ZNF14: variants seen among roughly 807,000 people sequenced by gnomAD.
ZNF14 encodes zinc finger protein 14, also known as gonadotropin inducible transcription repressor-4.
A neutral mutation model predicts 11.3 loss-of-function variants in ZNF14; 9 were observed. The observed-to-expected ratio is 0.80, with a 90% CI of 0.48 to 1.39. ZNF14 has a LOEUF of 1.39. ZNF14 is among the 40% of genes most tolerant of loss of function. ZNF14 has a pLI of 0.00. For synonymous variants in ZNF14, 239 were observed against 245.7 expected, an observed-to-expected ratio of 0.97 and a Z score of 0.25; for missense variants, 711 against 763.9, an observed-to-expected ratio of 0.93 and a Z score of 0.82.
chr19:19,731,455 A>G (rs2062423041), intron 1 of ZNF14, among the ~76,000 whole-genome samples: 1 of 152,116 alleles, frequency 6.6e-6, no homozygotes, highest in Non-Finnish European at 1.5e-5. Context: ...GGGTGCCTGT[A>G]ATCCCAGCTA....
chr19:19,726,928 G>A lies in ZNF14; in HGVS notation c.3+6028C>T, dbSNP rs2062408116. On this transcript the variant is annotated intron_variant, in intron 1 of 3. Coordinates refer to ENST00000344099, the MANE Select transcript of ZNF14 (RefSeq NM_021030.3). Reference sequence around the variant, plus strand: ...TCCTGGTGTGTCATTTGCTAAGACTGTTGGAAAAGTGCAGTATTAGGGTGG... The same window carrying A: ...TCCTGGTGTGTCATTTGCTAAGACTATTGGAAAAGTGCAGTATTAGGGTGG... 1.5e-5 allele frequency among the ~76,000 whole-genome samples: 2 copies of A among 134,084 alleles called. 1 individual carries two copies. Among genetic ancestry groups the A allele is most frequent in the Non-Finnish European group, 3.3e-5 (2 of 60,248 alleles). 88.0% of individuals were successfully genotyped at this position (134,084 alleles called of 152,430 possible).
intron 1 of ZNF14, among the ~76,000 whole-genome samples, chr19:19,728,621 G>A (rs2145105866): frequency 7.7e-6 from 1 of 130,346 alleles, no homozygotes; most frequent in African/African-American, 2.8e-5. Context: ...GTGAATTCTG[G>A]TACCAATCTG....
Position 19,712,327 on chromosome 19 carries a change from A to G in ZNF14, c.954T>C (p.Tyr318=). The change falls in exon 4 of 4, where the codon TAT becomes TAC. Residue 318 remains tyrosine, a synonymous_variant. Transcript: ENST00000344099. ...TTACATGTGCTCGAAAGCTTGCAGAATAAAAGAAGGCTTTTCCACATTCTT... is the reference window on the plus strand; with the variant it reads ...TTACATGTGCTCGAAAGCTTGCAGAGTAAAAGAAGGCTTTTCCACATTCTT... ...ECKECGKAFF[Y]SASFRAHVII... 3.7e-6 allele frequency: 6 copies of G among 1,614,036 alleles called. No individual in the cohort carries two copies. The highest frequency in any genetic ancestry group is 5.1e-6 in the Non-Finnish European group (6 of 1,179,992).
At chr19:19,722,800 C>T (rs903054972) in intron 1 of ZNF14, among the ~76,000 whole-genome samples, 1 of 152,178 alleles carries the variant, frequency 6.6e-6, no homozygotes, top group African/African-American at 2.4e-5. Context: ...AGAGGTCCTT[C>T]ACATCCCTTG....
intron 1 of ZNF14, among the ~76,000 whole-genome samples, chr19:19,729,743 G>A (rs1230406925): frequency 6.6e-6 from 1 of 152,046 alleles, no homozygotes; most frequent in Non-Finnish European, 1.5e-5. Context: ...AAAAAAAAAT[G>A]TACAGAATCA....
chr19:19,711,432 A>C lies in ZNF14; in HGVS notation c.1849T>G (p.Cys617Gly), dbSNP rs1374455310. 6.2e-7 allele frequency: 1 copy of C among 1,607,140 alleles called. No individual in the cohort carries two copies. The highest frequency in any genetic ancestry group is 1.7e-5 in the Admixed American group (1 of 58,064). Residue 617 changes from cysteine to glycine, a missense_variant, in exon 4 of 4, where the codon TGC (cysteine) becomes GGC (glycine). By Grantham distance (159) the Cys-to-Gly change is radical (BLOSUM62 -3). Transcript: ENST00000344099. ...ATGAAGGCTTTTCCACATTGTTTGC[A>C]TTCATAAGGTTTCTCTCCAGTGTGA... Reference protein sequence around the residue: ...RSHTGEKPYECKQCGKAFISS... With the variant: ...RSHTGEKPYEGKQCGKAFISS...
chr19:19,711,706 G>A lies in ZNF14; in HGVS notation c.1575C>T (p.His525=). The A allele has an allele frequency of 1.2e-6, 2 of 1,614,090 alleles. No homozygotes were observed. Among genetic ancestry groups the A allele is most frequent in the Non-Finnish European group, 1.7e-6 (2 of 1,180,018 alleles). ...SSSLREHEKI[H]TGNKPFECKQ... is the part of the protein sequence containing the mutation. ...TACACTCAAAAGGCTTATTTCCAGT[G>A]TGAATTTTTTCATGTTCTCGAAGGG... The change falls in exon 4 of 4, where the codon CAC becomes CAT. Residue 525 remains histidine (H), a synonymous_variant. Transcript: ENST00000344099.
chr19:19,722,941 C>A (rs2062396952), intron 1 of ZNF14, among the ~76,000 whole-genome samples: 1 of 152,156 alleles, frequency 6.6e-6, no homozygotes, highest in South Asian at 2.1e-4. Flanking sequence ...GATTTTGTAT[C>A]CTGAGACTTT....
chr19:19,712,762 C>T lies in ZNF14; in HGVS notation c.519G>A (p.Gln173=). The T allele has an allele frequency of 6.2e-7, 1 of 1,613,240 alleles. No homozygotes were observed. ...HTGVKPYECK[Q]CGKAFIYYQP... ...GGTAATATATAAAGGCTTTCCCACA[C>T]TGTTTACATTCATAGGGCTTCACTC... The change falls in exon 4 of 4, where the codon CAG becomes CAA. Residue 173 remains glutamine, a synonymous_variant. Coordinates refer to ENST00000344099, the MANE Select transcript of ZNF14 (RefSeq NM_021030.3).
At position 19,717,293 on chromosome 19, in the gene ZNF14, A is replaced by G. The variant is rs181898879; in HGVS notation, c.4-2806T>C. On this transcript the variant is annotated intron_variant, in intron 1 of 3. Transcript: ENST00000344099. ...CACCGGTTTAATTACAAAACATACA[A>G]CTCAGGAACAGCCAAGTGGAAGAGG... 1.9e-3 allele frequency among the ~76,000 whole-genome samples: 291 copies of G among 152,192 alleles called. 1 individual carries two copies. The highest frequency in any genetic ancestry group is 6.7e-3 in the African/African-American group (278 of 41,510).
At chr19:19,732,464 G>A (rs1235832136) in intron 1 of ZNF14, among the ~76,000 whole-genome samples, 1 of 152,322 alleles carries the variant, frequency 6.6e-6, no homozygotes, top group African/African-American at 2.4e-5. Context: ...CTTGAGTGCT[G>A]GGAGCACTAG....
rs1427082904 is a variant in ZNF14 at position 19,712,948 on chromosome 19, G to A, written c.333C>T (p.Asp111=). The change falls in exon 4 of 4, where the codon GAC becomes GAT. Residue 111 remains aspartate, a synonymous_variant. Coordinates refer to ENST00000344099, the MANE Select transcript of ZNF14 (RefSeq NM_021030.3). ...KPHECSFCGR[D]FIHHSSLNRH... is the part of the protein sequence containing the mutation. ...TATTAAGGGACGAATGATGAATGAAGTCTCTTCCACAAAAGCTGCATTCAT... is the reference window on the plus strand; with the variant it reads ...TATTAAGGGACGAATGATGAATGAAATCTCTTCCACAAAAGCTGCATTCAT... The A allele has an allele frequency of 2.5e-6, 4 of 1,614,136 alleles. No individual in the cohort carries two copies. In the South Asian group the frequency reaches 3.3e-5, roughly 13 times the overall value.
intron 1 of ZNF14, among the ~76,000 whole-genome samples, chr19:19,721,964 A>G (rs911945158): frequency 3.4e-5 from 2 of 59,168 alleles, no homozygotes; most frequent in African/African-American, 1.3e-4. Flanking sequence ...CTCAGTCTCA[A>G]AAAAAAAAAA....
At position 19,710,792 on chromosome 19, in the gene ZNF14, G is replaced by C. The variant is rs950737253; in HGVS notation, c.*560C>G. On this transcript the variant is annotated 3_prime_UTR_variant, in exon 4 of 4. Transcript: ENST00000344099. ...CCCACTTTTATTTTTTCTTGAGACA[G>C]TGTCTCATTCTGTCGCACAGGCTGG... 1 of 152,680 alleles carries C rather than the reference G, an allele frequency of 6.5e-6. No homozygotes were observed. Among genetic ancestry groups the C allele is most frequent in the Non-Finnish European group, 1.5e-5 (1 of 68,254 alleles). 9.5% of individuals were successfully genotyped at this position (152,680 alleles called of 1,614,324 possible).
chr19:19,729,156 T>C (rs1467008801), intron 1 of ZNF14, among the ~76,000 whole-genome samples: 1 of 151,856 alleles, frequency 6.6e-6, no homozygotes, highest in Non-Finnish European at 1.5e-5. Context: ...TTTGTATTTT[T>C]TAGTAGAGAC....
At position 19,712,989 on chromosome 19, in the gene ZNF14, T is replaced by C; in HGVS notation, c.292A>G (p.Thr98Ala). Residue 98 changes from threonine (T) to alanine (A), a missense_variant, in exon 4 of 4, where the codon ACT becomes GCT. Thr to Ala is a moderately conservative substitution (Grantham distance 58, BLOSUM62 0). Transcript: ENST00000344099. ...CTGCATTCATGTGGTTTTGCTCCAG[T>C]AAAAGTTTCCTTGTTGATATTAACA... The part of the protein sequence containing the change: ...PNVNINKETF[T>A]GAKPHECSFC... 1.9e-6 allele frequency: 3 copies of C among 1,614,164 alleles called. No homozygotes were observed. The highest frequency in any genetic ancestry group is 2.5e-6 in the Non-Finnish European group (3 of 1,180,030).
Position 19,711,296 on chromosome 19 carries a change from T to C in ZNF14, c.*56A>G, listed in dbSNP as rs893537702. ...CAGCTTCTGTCCAGTATGAACTCTT[T>C]TGTGTATTCAGAAGGAGCTGGAACA... On this transcript the variant is annotated 3_prime_UTR_variant, in exon 4 of 4. Coordinates refer to ENST00000344099, the MANE Select transcript of ZNF14 (RefSeq NM_021030.3). 9 of 1,506,536 alleles carry C rather than the reference T, an allele frequency of 6.0e-6. No individual in the cohort carries two copies. Among genetic ancestry groups the C allele is most frequent in the Non-Finnish European group, 7.1e-6 (8 of 1,127,082 alleles). 93.3% of individuals were successfully genotyped at this position (1,506,536 alleles called of 1,614,324 possible). A position where few individuals can be genotyped will look rare whatever the true frequency, so the allele number is the denominator to read the frequency against.
At chr19:19,731,442 G>A (rs951471560) in intron 1 of ZNF14, among the ~76,000 whole-genome samples, 2 of 152,128 alleles carry the variant, frequency 1.3e-5, no homozygotes, top group African/African-American at 2.4e-5. Context: ...CGGGTGTGGT[G>A]GTGGGTGCCT....
chr19:19,724,178 T>C (rs1338019272), intron 1 of ZNF14, among the ~76,000 whole-genome samples: 2 of 132,494 alleles, frequency 1.5e-5, no homozygotes, highest in African/African-American at 5.6e-5. Context: ...GATGTTAGGG[T>C]GTCAATTTTA....
Sources: gnomAD v4.1 joint callset for allele counts (sites outside exome capture counted in the v4.1 genomes callset) on GRCh38, gnomAD v4.1.1 for gene constraint, MANE v1.5 for transcripts, NCBI Gene and HGNC (gene_info 2026-07-23, HGNC 2026-07-21) for gene names.